MAPKAPK2: variants seen among roughly 807,000 people sequenced by gnomAD.
The protein encoded by MAPKAPK2 is MAPK activated protein kinase 2.
Under a neutral mutation model 48.8 loss-of-function variants are expected in MAPKAPK2, and 9 were observed. The ratio of observed to expected loss-of-function variants is 0.18; its 90% CI spans 0.11 to 0.32. The LOEUF is 0.32. Ranked by LOEUF, MAPKAPK2 falls within the 10% of genes least tolerant of loss-of-function variation. The probability of loss-of-function intolerance (pLI) is 1.00; values close to 1 mark genes in which losing one functional copy is unlikely to be tolerated. For missense variants in MAPKAPK2, 331 were observed against 498.3 expected, an observed-to-expected ratio of 0.66 and a Z score of 3.20; for synonymous variants, 202 against 190.6, an observed-to-expected ratio of 1.06 and a Z score of -0.49.
rs181342833 is a variant in MAPKAPK2, at chr1:206,702,355, G to A, written c.279+16847G>A. On this transcript the variant is annotated intron_variant, in intron 1 of 9. Coordinates refer to ENST00000367103, the MANE Select transcript of MAPKAPK2 (RefSeq NM_032960.4). ...CCTGCCACTCCAAGTCATGGCATGC[G>A]TCAGAGTGCTTGATCTGCCAAGGGC... is the stretch of plus-strand genomic sequence containing the variant. Among the ~76,000 whole-genome samples the A allele has an allele frequency of 2.0e-4, 30 of 152,308 alleles. No individual in the cohort carries two copies. The East Asian group carries it at 5.2e-3, about 26-fold the overall frequency.
In MAPKAPK2 at chr1:206,731,074, C is replaced by G; in HGVS notation, c.768-64C>G. ...AGAAGAGCCTGTTTCTCATCCTGTTCCTGGTACAGGGCCACTAAGTGACAG... is the reference window on the plus strand; with the variant it reads ...AGAAGAGCCTGTTTCTCATCCTGTTGCTGGTACAGGGCCACTAAGTGACAG... On this transcript the variant is annotated intron_variant, in intron 6 of 9. Transcript: ENST00000367103. This position sits in a 1 kb window ranked among gnomAD's most constrained non-coding sequence, Gnocchi z 5.9. 1.2e-6 allele frequency: 2 copies of G among 1,602,532 alleles called. No homozygotes were observed. The highest frequency in any genetic ancestry group is 2.2e-5 in the South Asian group (2 of 90,828).
rs781832823 is a variant in MAPKAPK2 at position 206,728,811 on chromosome 1, G to C, written c.381G>C (p.Leu127=). The C allele has an allele frequency of 2.5e-6, 4 of 1,614,218 alleles. No individual in the cohort carries two copies. In the East Asian group the frequency reaches 6.7e-5, roughly 27 times the overall value. Residue 127 remains leucine (L), a synonymous_variant, in exon 2 of 10, where the codon CTG becomes CTC. Transcript: ENST00000367103. ...GGATCGTGGATGTGTACGAGAATCT[G>C]TACGCAGGGAGGAAGTGCCTGCTGA... ...IVRIVDVYEN[L]YAGRKCLLIV...
chr1:206,718,595 G>A (rs1673417266), intron 1 of MAPKAPK2, among the ~76,000 whole-genome samples: 1 of 151,472 alleles, frequency 6.6e-6, no homozygotes. Context: ...TATCATCTTG[G>A]TCCTTATCTG....
chr1:206,730,508 A>T (rs1006640705), intron 5 of MAPKAPK2, among the ~76,000 whole-genome samples, 180 bp from the exon 6 acceptor site: 4 of 152,172 alleles, frequency 2.6e-5, no homozygotes, highest in Admixed American at 2.6e-4. Context: ...CAGGTTCCTC[A>T]TGGAGGAGGA....
Position 206,728,871 on chromosome 1 carries a change from C to G in MAPKAPK2, c.419+22C>G. 6 of 1,612,972 alleles carry G rather than the reference C, an allele frequency of 3.7e-6. No homozygotes were observed. The Middle Eastern group carries it at 9.9e-4, about 266-fold the overall frequency. On this transcript the variant is annotated intron_variant, in intron 2 of 9. Coordinates refer to ENST00000367103, the MANE Select transcript of MAPKAPK2 (RefSeq NM_032960.4). ...AATGGTAAGCAGCCACTGTTCTAGT[C>G]CCGGCCCAGCCTGTTCCCACTCCTC...
intron 1 of MAPKAPK2, among the ~76,000 whole-genome samples, chr1:206,688,955 A>G (rs1312223631): frequency 6.6e-6 from 1 of 152,070 alleles, no homozygotes; most frequent in Non-Finnish European, 1.5e-5. Context: ...TTTGATAAGG[A>G]CACCTAGTCT....
rs895599013 is a variant in MAPKAPK2, at chr1:206,700,145, C to T, written c.279+14637C>T. 4.0e-5 allele frequency among the ~76,000 whole-genome samples: 6 copies of T among 151,892 alleles called. 1 individual carries two copies. Among genetic ancestry groups the T allele is most frequent in the East Asian group, 3.9e-4 (2 of 5,164 alleles). On this transcript the variant is annotated intron_variant, in intron 1 of 9. Transcript: ENST00000367103. ...TTTCCTGTGTAGTTTTTCTTTTGTC[C>T]TTCCTTTCCCATCCACACTTTCCAC...
In MAPKAPK2 at chr1:206,685,256, C is replaced by T; in HGVS notation, c.27C>T (p.Ser9=). 1 of 642,736 alleles carries T rather than the reference C, an allele frequency of 1.6e-6. No individual in the cohort carries two copies. The allele number at this position is 642,736 out of a possible 1,614,324, so 39.8% of individuals were successfully genotyped here. The part of the protein sequence containing the change: MLSNSQGQ[S]PPVPFPAPAP... ...TGCTGTCCAACTCCCAGGGCCAGAG[C>T]CCGCCGGTGCCGTTCCCCGCCCCGG... The change falls in exon 1 of 10, where the codon AGC becomes AGT. Residue 9 remains serine (S), a synonymous_variant. Coordinates refer to ENST00000367103, the MANE Select transcript of MAPKAPK2 (RefSeq NM_032960.4).
chr1:206,715,951 T>C (rs1673313607), intron 1 of MAPKAPK2, among the ~76,000 whole-genome samples: 1 of 151,964 alleles, frequency 6.6e-6, no homozygotes, highest in Admixed American at 6.6e-5. Context: ...GCGCCTGACC[T>C]GAATATTGGT....
At chr1:206,714,173 C>G (rs1673246260) in intron 1 of MAPKAPK2, among the ~76,000 whole-genome samples, 1 of 152,192 alleles carries the variant, frequency 6.6e-6, no homozygotes, top group Non-Finnish European at 1.5e-5. Context: ...CCATTTATAA[C>G]AACTGCAAAT....
intron 1 of MAPKAPK2, among the ~76,000 whole-genome samples, chr1:206,726,062 A>C (rs1673692770): frequency 6.6e-6 from 1 of 152,226 alleles, no homozygotes; most frequent in African/African-American, 2.4e-5. Flanking sequence ...AGCATGGGAA[A>C]GTAAACTTTT....
At chr1:206,716,702 C>A (rs1673349087) in intron 1 of MAPKAPK2, among the ~76,000 whole-genome samples, 1 of 152,124 alleles carries the variant, frequency 6.6e-6, no homozygotes, top group Non-Finnish European at 1.5e-5. Context: ...GGGTCGTATG[C>A]ATGGGGGCTG....
intron 1 of MAPKAPK2, among the ~76,000 whole-genome samples, chr1:206,718,030 A>T (rs1673389185): frequency 6.6e-6 from 1 of 152,194 alleles, no homozygotes; most frequent in African/African-American, 2.4e-5. Context: ...AATAACAACA[A>T]AACTATAGAA....
In MAPKAPK2 at chr1:206,731,113, C is replaced by G. The variant is rs781869432; in HGVS notation, c.768-25C>G. ...ACTAAGTGACAGCTGTTCTGTCTCC[C>G]ACTTCCTTCCTCCTGTTGATGCAGG... On this transcript the variant is annotated intron_variant, in intron 6 of 9. Coordinates refer to ENST00000367103, the MANE Select transcript of MAPKAPK2 (RefSeq NM_032960.4). This position sits in a 1 kb window ranked among gnomAD's most constrained non-coding sequence, Gnocchi z 5.9. 5.6e-6 allele frequency: 9 copies of G among 1,614,068 alleles called. No homozygotes were observed. In the East Asian group the frequency reaches 1.8e-4, roughly 32 times the overall value.
chr1:206,716,841 T>G (rs1673353183), intron 1 of MAPKAPK2, among the ~76,000 whole-genome samples: 1 of 152,130 alleles, frequency 6.6e-6, no homozygotes, highest in African/African-American at 2.4e-5. Context: ...GATCTTTCTC[T>G]TCTTGCCACT....
chr1:206,691,887 C>G lies in MAPKAPK2; in HGVS notation c.279+6379C>G, dbSNP rs573007119. The stretch of plus-strand genomic sequence containing the variant: ...GTGTCCAGTTAATGAATAATCATCA[C>G]TGACCAGCTGCTCCTTCTCTTGTGT... On this transcript the variant is annotated intron_variant, in intron 1 of 9. Coordinates refer to ENST00000367103, the MANE Select transcript of MAPKAPK2 (RefSeq NM_032960.4). Among the ~76,000 whole-genome samples, 77 of 152,338 alleles carry G rather than the reference C, an allele frequency of 5.1e-4. 1 individual carries two copies. In the South Asian group the frequency reaches 0.014, roughly 28 times the overall value.
rs574780620 is a variant in MAPKAPK2 at position 206,731,529 on chromosome 1, T to G, written c.893-111T>G. On this transcript the variant is annotated intron_variant, in intron 7 of 9. Transcript: ENST00000367103. This position sits in a 1 kb window ranked among gnomAD's most constrained non-coding sequence, Gnocchi z 5.9. ...CTTGGGGCCAGTTGCTCCGGCAGCC[T>G]GCCTCCATGCACCCCCTCTTTGAAC... The G allele has an allele frequency of 8.9e-7, 1 of 1,126,888 alleles. No homozygotes were observed. The highest frequency in any genetic ancestry group is 2.4e-5 in the East Asian group (1 of 42,444). The allele number at this position is 1,126,888 out of a possible 1,614,324, so 69.8% of individuals were successfully genotyped here. A position where few individuals can be genotyped will look rare whatever the true frequency, so the allele number is the denominator to read the frequency against.
At chr1:206,703,549 A>T (rs1672862842) in intron 1 of MAPKAPK2, among the ~76,000 whole-genome samples, 1 of 152,176 alleles carries the variant, frequency 6.6e-6, no homozygotes, top group African/African-American at 2.4e-5. Flanking sequence ...TATAGATTGG[A>T]CTAGTTTTGC....
rs1673992120 is a variant in MAPKAPK2, at chr1:206,733,278, GT to G, written c.*561del. ...GTGTGCCAGACAAATAGGAGTGAGTGTATGTGTGTGTGTGTGTGTGTGTGTG... is the reference window on the plus strand; with the variant it reads ...GTGTGCCAGACAAATAGGAGTGAGTGATGTGTGTGTGTGTGTGTGTGTGTG... On this transcript the variant is annotated 3_prime_UTR_variant, in exon 10 of 10. Coordinates refer to ENST00000367103, the MANE Select transcript of MAPKAPK2 (RefSeq NM_032960.4). The G allele has an allele frequency of 2.0e-5, 2 of 99,754 alleles. No homozygotes were observed. The highest frequency in any genetic ancestry group is 1.9e-5 in the Non-Finnish European group (1 of 53,084). 6.2% of individuals were successfully genotyped at this position (99,754 alleles called of 1,614,324 possible).
Sources: gnomAD v4.1 joint callset for allele counts (sites outside exome capture counted in the v4.1 genomes callset) on GRCh38, gnomAD v4.1.1 for gene constraint, Gnocchi (gnomAD v3.1) non-coding constraint, MANE v1.5 for transcripts, NCBI Gene and HGNC (gene_info 2026-07-23, HGNC 2026-07-21) for gene names.